The following LEKR1 variants were observed in gnomAD, a reference collection of about 807,000 sequenced individuals.
The protein encoded by LEKR1 is protein LEKR1.
LEKR1 carries 59 observed loss-of-function variants against 72.4 expected under a neutral mutation model. The observed-to-expected ratio is 0.82, with a 90% CI of 0.66 to 1.01. The LOEUF (loss-of-function observed/expected upper bound fraction) is 1.01, where lower values mean the gene tolerates loss of function less well. LEKR1 is among the 50% of genes least tolerant of loss of function. LEKR1 has a pLI of 0.00. For missense variants in LEKR1, 728 were observed against 759.2 expected (o/e 0.96, Z 0.48); for synonymous variants, 257 against 263.2 (o/e 0.98, Z 0.23).
chr3:156,935,441 A>C (rs1174184450), intron 5 of LEKR1, among the ~76,000 whole-genome samples: 1 of 152,202 alleles, frequency 6.6e-6, no homozygotes, highest in African/African-American at 2.4e-5. Flanking sequence ...AATATGTGTA[A>C]AACTTTAAAG....
intron 9 of LEKR1, among the ~76,000 whole-genome samples, chr3:157,008,741 G>T (rs11927587): frequency 0.089 from 13,505 of 152,214 alleles, 660 homozygotes; most frequent in African/African-American, 0.12. Context: ...AAAAATGTTA[G>T]ATTTTGCATG....
intron 3 of LEKR1, among the ~76,000 whole-genome samples, chr3:156,914,257 G>A (rs112451935): frequency 3.3e-5 from 5 of 152,008 alleles, no homozygotes; most frequent in African/African-American, 9.7e-5. Context: ...GTGGTTTGCT[G>A]CACCCATCAA....
At position 157,011,403 on chromosome 3, in the gene LEKR1, T is replaced by C; in HGVS notation, c.1110-10T>C. On this transcript the variant is annotated splice_polypyrimidine_tract_variant and intron_variant, in intron 9 of 12. Transcript: ENST00000356539. ...AGTATTGACTCATTTGTCGGGTTTGTGATTTTCAGGGAATTGATGCTGATT... is the reference window on the plus strand; with the variant it reads ...AGTATTGACTCATTTGTCGGGTTTGCGATTTTCAGGGAATTGATGCTGATT... 6.2e-7 allele frequency: 1 copy of C among 1,605,000 alleles called. No homozygotes were observed. The highest frequency in any genetic ancestry group is 8.5e-7 in the Non-Finnish European group (1 of 1,172,016).
intron 6 of LEKR1, among the ~76,000 whole-genome samples, chr3:156,965,749 ATTTGAGT>A (rs1728506201): frequency 6.6e-6 from 1 of 152,202 alleles, no homozygotes; most frequent in Non-Finnish European, 1.5e-5. Flanking sequence ...CTGTATTACC[ATTTGAGT>A]TTTGTATTAC....
chr3:156,931,815 A>C (rs1725253525), intron 5 of LEKR1, among the ~76,000 whole-genome samples: 1 of 152,096 alleles, frequency 6.6e-6, no homozygotes, highest in South Asian at 2.1e-4. Context: ...CTGGGGAAAA[A>C]ATGTTTGCCA....
At chr3:156,949,546 C>G (rs1187972027) in intron 6 of LEKR1, among the ~76,000 whole-genome samples, 1 of 151,376 alleles carries the variant, frequency 6.6e-6, no homozygotes, top group East Asian at 1.9e-4. Flanking sequence ...CAGTACCATG[C>G]TGTTCTTTTG....
intron 3 of LEKR1, among the ~76,000 whole-genome samples, chr3:156,880,369 C>A (rs1002630516): frequency 1.3e-5 from 2 of 152,214 alleles, no homozygotes; most frequent in Non-Finnish European, 2.9e-5. Flanking sequence ...ATACTACAAA[C>A]ACCTCTACAC....
chr3:156,923,076 C>T (rs541918116), intron 4 of LEKR1, among the ~76,000 whole-genome samples: 50 of 152,240 alleles, frequency 3.3e-4, no homozygotes, highest in African/African-American at 1.1e-3. Context: ...ATTTCCCAAC[C>T]ATATTTTGGC....
intron 2 of LEKR1, among the ~76,000 whole-genome samples, chr3:156,836,318 G>C (rs986961799): frequency 7.9e-5 from 12 of 151,968 alleles, no homozygotes; most frequent in African/African-American, 2.9e-4. Context: ...TCCCTAAATG[G>C]GGCCCGTGGT....
intron 9 of LEKR1, among the ~76,000 whole-genome samples, chr3:157,001,378 TTTGA>T (rs1274623745): frequency 1.3e-5 from 2 of 152,184 alleles, no homozygotes; most frequent in Non-Finnish European, 2.9e-5. Context: ...AAATTATCTC[TTTGA>T]TTGACAATGT....
In LEKR1 at chr3:156,897,830, G is replaced by T. The variant is rs544950131; in HGVS notation, c.264-22745G>T. On this transcript the variant is annotated intron_variant, in intron 3 of 12. Coordinates refer to ENST00000356539, the MANE Select transcript of LEKR1 (RefSeq NM_001004316.3). ...TAGCTGGGCATGGTGGCAGGTGCCT[G>T]TAATTCCAGTTACTCGGGAGGCTAA... Among the ~76,000 whole-genome samples the T allele has an allele frequency of 2.0e-5, 3 of 152,194 alleles. No homozygotes were observed. The South Asian group carries it at 6.2e-4, about 31-fold the overall frequency.
rs535778655 is a variant in LEKR1, at chr3:157,007,150, C to A, written c.1110-4263C>A. ...CCGGGAGGCGGAGCTTGCAGTGAGC[C>A]GAGATCCGCCATTGCACTCCAGCCT... On this transcript the variant is annotated intron_variant, in intron 9 of 12. Transcript: ENST00000356539. Among the ~76,000 whole-genome samples the A allele has an allele frequency of 1.3e-4, 20 of 152,152 alleles. No homozygotes were observed. The South Asian group carries it at 2.9e-3, about 22-fold the overall frequency.
intron 7 of LEKR1, among the ~76,000 whole-genome samples, chr3:156,986,467 G>C (rs1418528565): frequency 6.6e-6 from 1 of 152,218 alleles, no homozygotes; most frequent in Non-Finnish European, 1.5e-5. Flanking sequence ...TGGAGATGGA[G>C]AGAAATATAT....
chr3:156,967,609 G>A (rs1181690863), intron 6 of LEKR1, among the ~76,000 whole-genome samples: 1 of 152,210 alleles, frequency 6.6e-6, no homozygotes, highest in Non-Finnish European at 1.5e-5. Flanking sequence ...AAGCCTCCAA[G>A]AAATATGGGA....
At chr3:156,840,277 T>G (rs1713736129) in intron 2 of LEKR1, among the ~76,000 whole-genome samples, 1 of 152,194 alleles carries the variant, frequency 6.6e-6, no homozygotes, top group South Asian at 2.1e-4. Flanking sequence ...GCACCCCTAA[T>G]GTCCATGTTG....
At chr3:156,920,529 T>A (rs1263274645) in intron 3 of LEKR1, 46 bp from the exon 4 acceptor site, 1 of 1,209,008 alleles carries the variant, frequency 8.3e-7, no homozygotes, top group Non-Finnish European at 1.1e-6. Context: ...ACTTGAAAAT[T>A]GTACATATGA....
chr3:157,009,664 G>A (rs1208637517), intron 9 of LEKR1, among the ~76,000 whole-genome samples: 1 of 151,976 alleles, frequency 6.6e-6, no homozygotes, highest in Admixed American at 6.6e-5. Context: ...CACCATAACA[G>A]TCTGGAGTTG....
At chr3:156,995,386 C>CCTAA (rs1227430444) in intron 9 of LEKR1, among the ~76,000 whole-genome samples, 2 of 152,172 alleles carry the variant, frequency 1.3e-5, no homozygotes, top group Admixed American at 1.3e-4. Flanking sequence ...ACATCACTGA[C>CCTAA]CTAACTCCTA....
At chr3:156,929,776 A>G (rs1031969678) in intron 5 of LEKR1, among the ~76,000 whole-genome samples, 2 of 152,112 alleles carry the variant, frequency 1.3e-5, no homozygotes, top group African/African-American at 2.4e-5. Context: ...GAAGGAAACT[A>G]TTTTTACTCT....
Sources: allele counts gnomAD v4.1 joint callset (sites outside exome capture counted in the v4.1 genomes callset), GRCh38; gene constraint gnomAD v4.1.1; transcripts MANE v1.5; gene names NCBI Gene and HGNC (gene_info 2026-07-23, HGNC 2026-07-21).